PRKCD: variants seen among roughly 807,000 people sequenced by gnomAD.
PRKCD encodes protein kinase C delta type.
PRKCD carries 20 observed loss-of-function variants against 82.2 expected under a neutral mutation model. That is an observed-to-expected ratio of 0.24 (90% CI 0.17 to 0.35). The LOEUF is 0.35. Ranked by LOEUF, PRKCD falls within the 10% of genes least tolerant of loss-of-function variation. PRKCD has a pLI of 1.00. For missense variants in PRKCD, 607 were observed against 899.0 expected (o/e 0.68, Z 4.15); for synonymous variants, 317 against 337.0 (o/e 0.94, Z 0.65).
At chr3:53,175,079 G>A (rs1703169685) in intron 2 of PRKCD, among the ~76,000 whole-genome samples, 1 of 152,236 alleles carries the variant, frequency 6.6e-6, no homozygotes, top group South Asian at 2.1e-4. Flanking sequence ...CAGGCCGGGG[G>A]TAGGGGAAGC....
At chr3:53,174,132 A>G (rs1293905783) in intron 2 of PRKCD, among the ~76,000 whole-genome samples, 1 of 152,218 alleles carries the variant, frequency 6.6e-6, no homozygotes, top group Non-Finnish European at 1.5e-5. Flanking sequence ...CTGGATCCGC[A>G]TAGGGATAAC....
chr3:53,177,904 C>T (rs903461251), intron 2 of PRKCD, among the ~76,000 whole-genome samples: 3 of 152,034 alleles, frequency 2.0e-5, no homozygotes, highest in Non-Finnish European at 4.4e-5. Context: ...CGCCGCAAAT[C>T]CAGACTTACA....
rs1277759428 is a variant in PRKCD at position 53,169,125 on chromosome 3, G to A, written c.-20+3910G>A. Among the ~76,000 whole-genome samples, 6 of 152,126 alleles carry A rather than the reference G, an allele frequency of 3.9e-5. No individual in the cohort carries two copies. Among genetic ancestry groups the A allele is most frequent in the Admixed American group, 6.5e-5 (1 of 15,282 alleles). ...TGGCCTTATTGTGTGGGGAGCAGGG[G>A]GAGCTGTCTGGCCTGAGCCACTGCC... On this transcript the variant is annotated intron_variant, in intron 2 of 18. Transcript: ENST00000330452. This position sits in a 1 kb window ranked among gnomAD's most constrained non-coding sequence, Gnocchi z 4.7.
Position 53,174,381 on chromosome 3 carries a change from G to A in PRKCD, c.-19-4023G>A, listed in dbSNP as rs115648880. Reference sequence around the variant, plus strand: ...CTGGCTCCAAGGAGCTTGTCCCCATGGAGGCTGTGTGGGGTCGAGCCCCCG... The same window carrying A: ...CTGGCTCCAAGGAGCTTGTCCCCATAGAGGCTGTGTGGGGTCGAGCCCCCG... On this transcript the variant is annotated intron_variant, in intron 2 of 18. Coordinates refer to ENST00000330452, the MANE Select transcript of PRKCD (RefSeq NM_006254.4). 5.6e-3 allele frequency among the ~76,000 whole-genome samples: 853 copies of A among 152,344 alleles called. 9 individuals carry two copies. The highest frequency in any genetic ancestry group is 0.019 in the African/African-American group (810 of 41,580).
intron 2 of PRKCD, among the ~76,000 whole-genome samples, chr3:53,175,663 C>T (rs184576298): frequency 8.1e-4 from 124 of 152,290 alleles, no homozygotes; most frequent in African/African-American, 2.9e-3. Context: ...ATCCCTGTGC[C>T]CCTGTCCCCT....
At chr3:53,190,285 A>G (rs1469275230) in intron 18 of PRKCD, among the ~76,000 whole-genome samples, 1 of 152,190 alleles carries the variant, frequency 6.6e-6, no homozygotes, top group Non-Finnish European at 1.5e-5. Context: ...TCCAATACAT[A>G]TGGGGAATCC....
Position 53,189,270 on chromosome 3 carries a change from GCTGGT to G in PRKCD, c.1743+29_1743+33del, listed in dbSNP as rs57672057. 0.28 allele frequency: 413,543 copies of G among 1,465,866 alleles called. 88,751 individuals are homozygous for G. Among genetic ancestry groups the G allele is most frequent in the African/African-American group, 0.33 (23,831 of 72,500 alleles). The allele number at this position is 1,465,866 out of a possible 1,614,324, so 90.8% of individuals were successfully genotyped here. A position where few individuals can be genotyped will look rare whatever the true frequency, so the allele number is the denominator to read the frequency against. ...AGGTGGAGGCCCTGGGCTGGGCTGG[GCTGGT>G]CTGGGCTGGGCTGGGGCAGGGGCTG... On this transcript the variant is annotated intron_variant, in intron 17 of 18. Transcript: ENST00000330452.
At chr3:53,185,394 G>A (rs1346381143) in intron 10 of PRKCD, among the ~76,000 whole-genome samples, 5 of 152,258 alleles carry the variant, frequency 3.3e-5, no homozygotes, top group Non-Finnish European at 7.3e-5. Context: ...ACTTCTGTTT[G>A]TAATCAGAGC....
rs1404004030 is a variant in PRKCD at position 53,181,086 on chromosome 3, GC to G, written c.316-120del. 49 of 1,052,176 alleles carry G rather than the reference GC, an allele frequency of 4.7e-5. 1 individual carries two copies. In the East Asian group the frequency reaches 1.2e-3, roughly 25 times the overall value. 65.2% of individuals were successfully genotyped at this position (1,052,176 alleles called of 1,614,324 possible). ...CCCACACTGGGCAGACAAGTGTCTG[GC>G]TAGGCCTTGGGGGGCTGCCTTGGCC... On this transcript the variant is annotated intron_variant, in intron 4 of 18. Transcript: ENST00000330452.
At chr3:53,173,632 C>G (rs1334872501) in intron 2 of PRKCD, 1 of 152,150 alleles carries the variant, frequency 6.6e-6, no homozygotes, top group African/African-American at 2.4e-5. Flanking sequence ...CAGGTGTCCG[C>G]CACCACACCT....
chr3:53,184,845 C>A (rs781957524), intron 9 of PRKCD, 29 bp from the exon 10 acceptor site: 1 of 1,604,766 alleles, frequency 6.2e-7, no homozygotes, highest in Admixed American at 1.7e-5. Flanking sequence ...AGCTCTGAGA[C>A]TGACAGCCCC....
intron 2 of PRKCD, among the ~76,000 whole-genome samples, chr3:53,176,347 C>T (rs1325864433): frequency 6.6e-6 from 1 of 152,268 alleles, no homozygotes; most frequent in Non-Finnish European, 1.5e-5. Flanking sequence ...TGCCTGGACT[C>T]ACTGGGCTGG....
In PRKCD at chr3:53,183,565, G is replaced by A. The variant is rs1703549059; in HGVS notation, c.771G>A (p.Gln257=). 3.7e-6 allele frequency: 6 copies of A among 1,614,180 alleles called. No individual in the cohort carries two copies. The highest frequency in any genetic ancestry group is 5.1e-6 in the Non-Finnish European group (6 of 1,180,002). ...GCCTGCTCTGGGGACTGGTGAAGCA[G>A]GGATTAAAGTGTGAAGGTGCGTGCC... ...CGSLLWGLVK[Q]GLKCEDCGMN... is the part of the protein sequence containing the mutation. Residue 257 remains glutamine (Q), a synonymous_variant, in exon 9 of 19, where the codon CAG becomes CAA. Transcript: ENST00000330452.
chr3:53,181,426 C>G lies in PRKCD; in HGVS notation c.377-18C>G, dbSNP rs1553667473. ...CTTCCAGATACCAGGGCTGACTTCC[C>G]TACTCCATGGTCACCAGATTGCAAA... On this transcript the variant is annotated intron_variant, in intron 5 of 18. Coordinates refer to ENST00000330452, the MANE Select transcript of PRKCD (RefSeq NM_006254.4). The G allele has an allele frequency of 3.1e-6, 5 of 1,613,960 alleles. No homozygotes were observed. Among genetic ancestry groups the G allele is most frequent in the African/African-American group, 1.3e-5 (1 of 74,916 alleles).
In PRKCD at chr3:53,185,664, G is replaced by C; in HGVS notation, c.949G>C (p.Glu317Gln). The change falls in exon 11 of 19, where the codon GAG becomes CAG. Residue 317 changes from glutamate to glutamine, a missense_variant. Physicochemically the swap from Glu to Gln is conservative, Grantham distance 29 (BLOSUM62 2). Around this residue, in one of 5 missense-constraint regions of PRKCD, gnomAD observed 85 missense variants for 76.1 expected, o/e 1.12. Coordinates refer to ENST00000330452, the MANE Select transcript of PRKCD (RefSeq NM_006254.4). The stretch of plus-strand genomic sequence containing the variant: ...GCCTGTTGGGATATATCAGGGTTTC[G>C]AGAAGAAGACCGGAGTTGCTGGGGA... ...SEPVGIYQGF[E>Q]KKTGVAGEDM... The C allele has an allele frequency of 6.2e-7, 1 of 1,612,786 alleles. No homozygotes were observed. The highest frequency in any genetic ancestry group is 8.5e-7 in the Non-Finnish European group (1 of 1,180,018).
At chr3:53,187,483 T>G (rs1703751072) in intron 15 of PRKCD, 81 bp downstream of exon 15, 16 of 1,457,162 alleles carry the variant, frequency 1.1e-5, no homozygotes, top group Non-Finnish European at 1.4e-5. Context: ...CCAAGCAGGA[T>G]CCCCCCAACT....
intron 4 of PRKCD, among the ~76,000 whole-genome samples, chr3:53,180,123 C>T (rs1265207780): frequency 1.3e-5 from 2 of 152,330 alleles, no homozygotes; most frequent in East Asian, 1.9e-4. Context: ...GTGCTAAAGA[C>T]GGCCAACTTC....
At chr3:53,190,943 C>T (rs972069795) in intron 18 of PRKCD, among the ~76,000 whole-genome samples, 3 of 152,168 alleles carry the variant, frequency 2.0e-5, no homozygotes, top group African/African-American at 4.8e-5. Flanking sequence ...TTTCCTTCTC[C>T]GCACTAAGAA....
chr3:53,181,834 A>G, intron 7 of PRKCD, 102 bp downstream of exon 7: 5 of 1,542,988 alleles, frequency 3.2e-6, no homozygotes, highest in Non-Finnish European at 4.4e-6. Flanking sequence ...CAGAGAGTGT[A>G]TGCACGTGAG....
Sources: gnomAD v4.1 joint callset for allele counts (sites outside exome capture counted in the v4.1 genomes callset) on GRCh38, gnomAD v4.1.1 for gene constraint, gnomAD v4.1.1 regional missense constraint, Gnocchi (gnomAD v3.1) non-coding constraint, MANE v1.5 for transcripts, NCBI Gene and HGNC (gene_info 2026-07-23, HGNC 2026-07-21) for gene names.